Variants in ARNT2 observed in about 807,000 individuals in gnomAD.
ARNT2 encodes ARNT protein 2.
In ARNT2, 36 loss-of-function variants were observed where a neutral mutation model predicts 91.7. That is an observed-to-expected ratio of 0.39 (90% CI 0.30 to 0.52). The LOEUF is 0.52. Among genes scored for constraint, ARNT2 ranks in the 20% least tolerant of loss-of-function variants. The pLI is 0.72. For synonymous variants in ARNT2, 365 were observed against 347.1 expected (o/e 1.05, Z -0.57); for missense variants, 775 against 939.3 (o/e 0.83, Z 2.29).
chr15:80,465,675 A>C (rs1027973129), intron 3 of ARNT2, among the ~76,000 whole-genome samples: 11 of 152,160 alleles, frequency 7.2e-5, no homozygotes, highest in Admixed American at 2.6e-4. Flanking sequence ...GCATCAGCCC[A>C]CCTGCTGCCT....
chr15:80,515,750 A>AT (rs1897424040), intron 8 of ARNT2, among the ~76,000 whole-genome samples: 1 of 151,558 alleles, frequency 6.6e-6, no homozygotes, highest in Non-Finnish European at 1.5e-5. Flanking sequence ...AAAAAAAAAA[A>AT]TACAATGTTA....
chr15:80,414,660 A>C (rs1287684748), intron 1 of ARNT2, among the ~76,000 whole-genome samples: 2 of 152,234 alleles, frequency 1.3e-5, no homozygotes, highest in African/African-American at 4.8e-5. Flanking sequence ...GAAATGAGGC[A>C]TAGTCTGGAA....
intron 8 of ARNT2, among the ~76,000 whole-genome samples, chr15:80,532,811 G>T (rs1423086632): frequency 1.3e-5 from 2 of 152,192 alleles, no homozygotes; most frequent in Non-Finnish European, 2.9e-5. Context: ...TTTCAGAAAT[G>T]GAATGAATGG....
At chr15:80,423,151 T>C (rs1393273812) in intron 1 of ARNT2, among the ~76,000 whole-genome samples, 1 of 152,226 alleles carries the variant, frequency 6.6e-6, no homozygotes, top group Non-Finnish European at 1.5e-5. Flanking sequence ...ATAATAATGA[T>C]ATCCACCTCA....
chr15:80,489,392 C>G (rs1420631098), intron 5 of ARNT2, among the ~76,000 whole-genome samples: 3 of 152,212 alleles, frequency 2.0e-5, no homozygotes, highest in Non-Finnish European at 4.4e-5. Context: ...CAAAGCCTCC[C>G]TGGACAGTCA....
rs1032128703 is a variant in ARNT2 at position 80,491,839 on chromosome 15, G to A, written c.623-16317G>A. Among the ~76,000 whole-genome samples the A allele has an allele frequency of 8.8e-5, 8 of 91,128 alleles. No homozygotes were observed. In the South Asian group the frequency reaches 2.7e-3, roughly 31 times the overall value. The allele number at this position is 91,128 out of a possible 152,430, so 59.8% of individuals were successfully genotyped here. A position where few individuals can be genotyped will look rare whatever the true frequency, so the allele number is the denominator to read the frequency against. ...TTTTTTTTAAGTATAGGCATATTCA[G>A]TTGTTCCAGCACCTTTGGTTTTTTG... On this transcript the variant is annotated intron_variant, in intron 5 of 18. Transcript: ENST00000303329.
In ARNT2 at chr15:80,591,207, C is replaced by T. The variant is rs1893274207; in HGVS notation, c.1919-361C>T. 6.6e-6 allele frequency among the ~76,000 whole-genome samples: 1 copy of T among 152,194 alleles called. No homozygotes were observed. The highest frequency in any genetic ancestry group is 6.5e-5 in the Admixed American group (1 of 15,284). On this transcript the variant is annotated intron_variant, in intron 17 of 18. Coordinates refer to ENST00000303329, the MANE Select transcript of ARNT2 (RefSeq NM_014862.4). The surrounding 1 kb of genome is among the most constrained non-coding windows in gnomAD (Gnocchi z 5.1). ...AGACCCTCTCTCAGCCCACACTCTG[C>T]ATGCAACAGATATGCCCCTTGCCCC...
At chr15:80,471,602 C>T (rs138147193) in intron 4 of ARNT2, among the ~76,000 whole-genome samples, 37 of 152,294 alleles carry the variant, frequency 2.4e-4, no homozygotes, top group Non-Finnish European at 4.6e-4. Context: ...AGCACTTAGC[C>T]GGCCGGCATT....
intron 4 of ARNT2, among the ~76,000 whole-genome samples, chr15:80,472,112 G>T (rs1483025812): frequency 7.0e-3 from 1 of 142 alleles, no homozygotes; most frequent in Non-Finnish European, 0.017. Flanking sequence ...CCGGTGGGGG[G>T]GCATTGGGGT....
chr15:80,506,091 C>T (rs543580283), intron 5 of ARNT2, among the ~76,000 whole-genome samples: 185 of 152,056 alleles, frequency 1.2e-3, no homozygotes, highest in African/African-American at 4.2e-3. Flanking sequence ...TGCCCGCCAC[C>T]GCGCCTGGCT....
intron 16 of ARNT2, chr15:80,581,009 T>C: frequency 1.7e-6 from 1 of 578,668 alleles, no homozygotes; most frequent in Admixed American, 3.0e-5. Context: ...GCCCGGATCC[T>C]CGTAGCCCTG....
intron 8 of ARNT2, among the ~76,000 whole-genome samples, chr15:80,540,226 C>G (rs748435685): frequency 7.9e-5 from 12 of 152,184 alleles, no homozygotes; most frequent in Non-Finnish European, 1.5e-4. Flanking sequence ...TCATGAGAAA[C>G]TGCTAGACTG....
chr15:80,486,076 G>T (rs979667709), intron 5 of ARNT2, among the ~76,000 whole-genome samples: 3 of 152,178 alleles, frequency 2.0e-5, no homozygotes, highest in Non-Finnish European at 4.4e-5. Context: ...CCTAGCTCTG[G>T]TGGTAGCTGA....
At chr15:80,469,032 GT>G (rs1480078781) in intron 3 of ARNT2, among the ~76,000 whole-genome samples, 3 of 152,156 alleles carry the variant, frequency 2.0e-5, no homozygotes, top group Non-Finnish European at 2.9e-5. Flanking sequence ...TGCCTGAGTT[GT>G]TTTTTTCTTG....
chr15:80,486,209 A>G (rs946322149), intron 5 of ARNT2, among the ~76,000 whole-genome samples: 3 of 152,214 alleles, frequency 2.0e-5, no homozygotes, highest in African/African-American at 4.8e-5. Flanking sequence ...CTGTTGGATT[A>G]GGGCCCACCT....
intron 11 of ARNT2, among the ~76,000 whole-genome samples, chr15:80,557,870 C>T (rs146142669): frequency 2.0e-4 from 30 of 152,268 alleles, no homozygotes; most frequent in South Asian, 1.0e-3. Context: ...CCAAGCCATT[C>T]GGAAGACATA....
intron 1 of ARNT2, among the ~76,000 whole-genome samples, chr15:80,411,783 A>G (rs1394980073): frequency 1.3e-5 from 2 of 151,532 alleles, no homozygotes; most frequent in East Asian, 3.9e-4. Flanking sequence ...GAGGTCCTAC[A>G]CCTACCTGAT....
intron 5 of ARNT2, among the ~76,000 whole-genome samples, chr15:80,501,566 G>A (rs960682876): frequency 5.9e-5 from 9 of 152,236 alleles, no homozygotes; most frequent in African/African-American, 1.7e-4. Flanking sequence ...CTTGTAGCCT[G>A]AGGCCTTGCT....
At chr15:80,499,875 A>T (rs914352080) in intron 5 of ARNT2, among the ~76,000 whole-genome samples, 1 of 152,160 alleles carries the variant, frequency 6.6e-6, no homozygotes, top group Non-Finnish European at 1.5e-5. Context: ...TCAAGAAAGC[A>T]TTGTGGTAGA....
Sources: gnomAD v4.1 joint callset for allele counts (sites outside exome capture counted in the v4.1 genomes callset) on GRCh38, gnomAD v4.1.1 for gene constraint, Gnocchi (gnomAD v3.1) non-coding constraint, MANE v1.5 for transcripts, NCBI Gene and HGNC (gene_info 2026-07-23, HGNC 2026-07-21) for gene names.